PLCG1: variants seen among roughly 807,000 people sequenced by gnomAD.
The protein encoded by PLCG1 is phospholipase C gamma 1.
A neutral mutation model predicts 177.8 loss-of-function variants in PLCG1; 71 were observed. The observed-to-expected ratio is 0.40, with a 90% confidence interval of 0.33 to 0.49. The LOEUF is 0.49. Ranked by LOEUF, PLCG1 falls within the 20% of genes least tolerant of loss-of-function variation. PLCG1 has a pLI of 0.72. For missense variants in PLCG1, 1,281 were observed against 1,709.0 expected, an observed-to-expected ratio of 0.75 and a Z score of 4.42; for synonymous variants, 658 against 647.9, an observed-to-expected ratio of 1.02 and a Z score of -0.24.
Position 41,137,624 on chromosome 20 carries a change from G to C in PLCG1, c.-18G>C. On this transcript the variant is annotated 5_prime_UTR_variant, in exon 1 of 32. Coordinates refer to ENST00000685551, the MANE Select transcript of PLCG1 (RefSeq NM_002660.3). This position sits in a 1 kb window ranked among gnomAD's most constrained non-coding sequence, Gnocchi z 7.3. The stretch of plus-strand genomic sequence containing the variant: ...GGCGGTCCTGGCCTGTGCCGCCGCC[G>C]CCCCCAGCGTCGGAGCCATGGCGGG... The C allele has an allele frequency of 7.6e-7, 1 of 1,311,366 alleles. No homozygotes were observed. The allele number at this position is 1,311,366 out of a possible 1,614,324, so 81.2% of individuals were successfully genotyped here. A position where few individuals can be genotyped will look rare whatever the true frequency, so the allele number is the denominator to read the frequency against.
chr20:41,175,171 G>GTAAC lies in PLCG1; in HGVS notation c.*666_*669dup. ...TATTATTTTTCGTCTCAATGGTATT[G>GTAAC]TAACTAAGTTATTTACTCCTCCTGC... is the stretch of plus-strand genomic sequence containing the variant. On this transcript the variant is annotated 3_prime_UTR_variant, in exon 32 of 32. Coordinates refer to ENST00000685551, the MANE Select transcript of PLCG1 (RefSeq NM_002660.3). 1 of 152,698 alleles carries GTAAC rather than the reference G, an allele frequency of 6.5e-6. No homozygotes were observed. Among genetic ancestry groups the GTAAC allele is most frequent in the Non-Finnish European group, 1.5e-5 (1 of 68,138 alleles). 9.5% of individuals were successfully genotyped at this position (152,698 alleles called of 1,614,324 possible).
rs1489399261 is a variant in PLCG1, at chr20:41,156,571, C to T, written c.218-3035C>T. Among the ~76,000 whole-genome samples the T allele has an allele frequency of 6.6e-6, 1 of 152,238 alleles. No homozygotes were observed. The highest frequency in any genetic ancestry group is 1.5e-5 in the Non-Finnish European group (1 of 68,048). ...CTCCTTCTCACTGCCCCATCTTCTT[C>T]ATAGTGACGGCCTCTTCGTACCCCT... On this transcript the variant is annotated intron_variant, in intron 1 of 31. Coordinates refer to ENST00000685551, the MANE Select transcript of PLCG1 (RefSeq NM_002660.3). This position sits in a 1 kb window ranked among gnomAD's most constrained non-coding sequence, Gnocchi z 5.0.
intron 1 of PLCG1, among the ~76,000 whole-genome samples, chr20:41,149,182 G>A (rs1475857794): frequency 6.6e-6 from 1 of 152,174 alleles, no homozygotes; most frequent in East Asian, 1.9e-4. Context: ...CTACTTCTCA[G>A]CTTCTTATAG....
At position 41,137,607 on chromosome 20, in the gene PLCG1, TG is replaced by T; in HGVS notation, c.-33del. ...CGTTGCGCTTGCTCCCGGGCGGTCC[TG>T]GCCTGTGCCGCCGCCGCCCCCAGCG... On this transcript the variant is annotated 5_prime_UTR_variant, in exon 1 of 32. Transcript: ENST00000685551. This position sits in a 1 kb window ranked among gnomAD's most constrained non-coding sequence, Gnocchi z 7.3. 7.8e-7 allele frequency: 1 copy of T among 1,287,710 alleles called. No homozygotes were observed. The highest frequency in any genetic ancestry group is 2.3e-5 in the South Asian group (1 of 43,014). The allele number at this position is 1,287,710 out of a possible 1,614,324, so 79.8% of individuals were successfully genotyped here.
chr20:41,163,627 G>A lies in PLCG1; in HGVS notation c.892-88G>A. On this transcript the variant is annotated intron_variant, in intron 9 of 31. Coordinates refer to ENST00000685551, the MANE Select transcript of PLCG1 (RefSeq NM_002660.3). This position sits in a 1 kb window ranked among gnomAD's most constrained non-coding sequence, Gnocchi z 5.2. ...CTTGCCCACCCCCAGTTGGGACAGAGCACTCTCTCTCCTACCCCCAACCTA... is the reference window on the plus strand; with the variant it reads ...CTTGCCCACCCCCAGTTGGGACAGAACACTCTCTCTCCTACCCCCAACCTA... 9.1e-7 allele frequency: 1 copy of A among 1,101,792 alleles called. No homozygotes were observed. Among genetic ancestry groups the A allele is most frequent in the South Asian group, 1.3e-5 (1 of 78,042 alleles). The allele number at this position is 1,101,792 out of a possible 1,614,324, so 68.3% of individuals were successfully genotyped here.
chr20:41,140,294 T>G (rs140448245), intron 1 of PLCG1, among the ~76,000 whole-genome samples: 207 of 152,298 alleles, frequency 1.4e-3, no homozygotes, highest in Non-Finnish European at 2.6e-3. Context: ...AATGGAGGCT[T>G]CCACTGAAGC....
intron 24 of PLCG1, chr20:41,170,470 G>A (rs2146057830): frequency 1.7e-6 from 1 of 583,388 alleles, no homozygotes; most frequent in Non-Finnish European, 3.0e-6. Flanking sequence ...GTTGTGTTGA[G>A]TTTGAGATAC....
rs1357730578 is a variant in PLCG1 at position 41,174,697 on chromosome 20, A to G, written c.*188A>G. ...GATGTTATTACTGTTTTGGGCCTCC[A>G]TGCCCCAGCTCTGGATGAAGGCAAA... is the stretch of plus-strand genomic sequence containing the variant. On this transcript the variant is annotated 3_prime_UTR_variant, in exon 32 of 32. Coordinates refer to ENST00000685551, the MANE Select transcript of PLCG1 (RefSeq NM_002660.3). This position sits in a 1 kb window ranked among gnomAD's most constrained non-coding sequence, Gnocchi z 5.8. 1.6e-6 allele frequency: 1 copy of G among 615,060 alleles called. No homozygotes were observed. The highest frequency in any genetic ancestry group is 2.8e-5 in the East Asian group (1 of 36,000). The allele number at this position is 615,060 out of a possible 1,614,324, so 38.1% of individuals were successfully genotyped here.
At position 41,175,450 on chromosome 20, in the gene PLCG1, G is replaced by A. The variant is rs1040972319; in HGVS notation, c.*941G>A. The A allele has an allele frequency of 2.0e-5, 3 of 152,352 alleles. No homozygotes were observed. The highest frequency in any genetic ancestry group is 6.5e-5 in the Admixed American group (1 of 15,282). The allele number at this position is 152,352 out of a possible 1,614,324, so 9.4% of individuals were successfully genotyped here. A position where few individuals can be genotyped will look rare whatever the true frequency, so the allele number is the denominator to read the frequency against. Reference sequence around the variant, plus strand: ...CTCCTGGGTGGGTGGGGTACAGGCAGTTAGGTGCTGAATGAAGCTGCCATC... The same window carrying A: ...CTCCTGGGTGGGTGGGGTACAGGCAATTAGGTGCTGAATGAAGCTGCCATC... On this transcript the variant is annotated 3_prime_UTR_variant, in exon 32 of 32. Transcript: ENST00000685551.
Position 41,163,951 on chromosome 20 carries a change from G to A in PLCG1, c.1041G>A (p.Glu347=). The A allele has an allele frequency of 1.2e-6, 2 of 1,614,170 alleles. No homozygotes were observed. The highest frequency in any genetic ancestry group is 4.5e-5 in the East Asian group (2 of 44,872). The change falls in exon 11 of 32, where the codon GAG becomes GAA. Residue 347 remains glutamate, a synonymous_variant. Transcript: ENST00000685551. The surrounding 1 kb of genome is among the most constrained non-coding windows in gnomAD (Gnocchi z 5.2). The stretch of plus-strand genomic sequence containing the variant: ...TGACCGGGGACCAGTTCTCCAGTGA[G>A]TCCTCCTTGGAAGCCTATGCTCGCT... ...TYLTGDQFSS[E]SSLEAYARCL...
rs2034987033 is a variant in PLCG1, at chr20:41,146,076, C to T, written c.217+8218C>T. Among the ~76,000 whole-genome samples the T allele has an allele frequency of 6.6e-6, 1 of 152,230 alleles. No homozygotes were observed. Among genetic ancestry groups the T allele is most frequent in the African/African-American group, 2.4e-5 (1 of 41,454 alleles). On this transcript the variant is annotated intron_variant, in intron 1 of 31. Coordinates refer to ENST00000685551, the MANE Select transcript of PLCG1 (RefSeq NM_002660.3). This position sits in a 1 kb window ranked among gnomAD's most constrained non-coding sequence, Gnocchi z 6.3. ...TATAGGCTCTGCTGCTTCCTTCCGG[C>T]CCTGGCCCTTCCTGGTGTTGGCCGG...
At chr20:41,138,295 C>A (rs2034681221) in intron 1 of PLCG1, among the ~76,000 whole-genome samples, 1 of 151,994 alleles carries the variant, frequency 6.6e-6, no homozygotes, top group Non-Finnish European at 1.5e-5. Flanking sequence ...GTGAAACTCT[C>A]CGGGCCCCCA....
In PLCG1 at chr20:41,166,995, G is replaced by T; in HGVS notation, c.2301+136G>T. 1.3e-6 allele frequency: 1 copy of T among 772,662 alleles called. No individual in the cohort carries two copies. Among genetic ancestry groups the T allele is most frequent in the Non-Finnish European group, 2.2e-6 (1 of 460,132 alleles). 47.9% of individuals were successfully genotyped at this position (772,662 alleles called of 1,614,324 possible). A position where few individuals can be genotyped will look rare whatever the true frequency, so the allele number is the denominator to read the frequency against. ...TGGGAGGGCCCCTGACTCCAGCTGG[G>T]AGCCACAGTGTGGGTACCAGGAGGG... is the stretch of plus-strand genomic sequence containing the variant. On this transcript the variant is annotated intron_variant, in intron 19 of 31. Coordinates refer to ENST00000685551, the MANE Select transcript of PLCG1 (RefSeq NM_002660.3). This position sits in a 1 kb window ranked among gnomAD's most constrained non-coding sequence, Gnocchi z 8.6.
Position 41,148,357 on chromosome 20 carries a change from C to T in PLCG1, c.217+10499C>T, listed in dbSNP as rs35960143. Among the ~76,000 whole-genome samples, 63 of 152,278 alleles carry T rather than the reference C, an allele frequency of 4.1e-4. No homozygotes were observed. Among genetic ancestry groups the T allele is most frequent in the African/African-American group, 1.3e-3 (54 of 41,548 alleles). ...CCTACCTCAGCCCCTGTTGCTCTGACGCTTCCCCCACCACTATGAGTCCTA... is the reference window on the plus strand; with the variant it reads ...CCTACCTCAGCCCCTGTTGCTCTGATGCTTCCCCCACCACTATGAGTCCTA... On this transcript the variant is annotated intron_variant, in intron 1 of 31. Transcript: ENST00000685551. The surrounding 1 kb of genome is among the most constrained non-coding windows in gnomAD (Gnocchi z 4.3).
chr20:41,141,434 G>A (rs962637503), intron 1 of PLCG1, among the ~76,000 whole-genome samples: 9 of 152,280 alleles, frequency 5.9e-5, no homozygotes, highest in African/African-American at 1.7e-4. Flanking sequence ...GGCGGGCTCA[G>A]AAGGGAGGTA....
chr20:41,152,459 T>C (rs1368607766), intron 1 of PLCG1, among the ~76,000 whole-genome samples: 1 of 152,254 alleles, frequency 6.6e-6, no homozygotes, highest in East Asian at 1.9e-4. Context: ...TCTGTTCCCG[T>C]TGTTACCTCA....
chr20:41,159,541 C>T lies in PLCG1; in HGVS notation c.218-65C>T, dbSNP rs1167967945. The stretch of plus-strand genomic sequence containing the variant: ...GTGTAAGAATGAGGAAACCAGGCTG[C>T]CCTCCTTTCGGTGTTGACTCTGGGA... On this transcript the variant is annotated intron_variant, in intron 1 of 31. Coordinates refer to ENST00000685551, the MANE Select transcript of PLCG1 (RefSeq NM_002660.3). This position sits in a 1 kb window ranked among gnomAD's most constrained non-coding sequence, Gnocchi z 6.0. 2 of 1,548,716 alleles carry T rather than the reference C, an allele frequency of 1.3e-6. No individual in the cohort carries two copies. The highest frequency in any genetic ancestry group is 1.4e-5 in the African/African-American group (1 of 73,144).
intron 1 of PLCG1, among the ~76,000 whole-genome samples, chr20:41,145,173 A>G (rs2034959180): frequency 6.6e-6 from 1 of 152,122 alleles, no homozygotes; most frequent in Admixed American, 6.6e-5. Flanking sequence ...AAGGAAGGTT[A>G]ATTTCCCCTG....
Position 41,176,247 on chromosome 20 carries a change from C to CTGAT in PLCG1, c.*1739_*1742dup, listed in dbSNP as rs1555818870. 6.7e-6 allele frequency: 1 copy of CTGAT among 149,606 alleles called. No homozygotes were observed. The highest frequency in any genetic ancestry group is 2.4e-5 in the African/African-American group (1 of 41,178). The allele number at this position is 149,606 out of a possible 1,614,324, so 9.3% of individuals were successfully genotyped here. A position where few individuals can be genotyped will look rare whatever the true frequency, so the allele number is the denominator to read the frequency against. On this transcript the variant is annotated 3_prime_UTR_variant, in exon 32 of 32. Transcript: ENST00000685551. Reference sequence around the variant, plus strand: ...GATCCGGTTCCGTGGATGACATGAACTGATGATAGCCAGTATCAAACAGCG... The same window carrying CTGAT: ...GATCCGGTTCCGTGGATGACATGAACTGATTGATGATAGCCAGTATCAAACAGCG...
Sources: allele counts gnomAD v4.1 joint callset (sites outside exome capture counted in the v4.1 genomes callset), GRCh38; gene constraint gnomAD v4.1.1; non-coding constraint Gnocchi (gnomAD v3.1); transcripts MANE v1.5; gene names NCBI Gene and HGNC (gene_info 2026-07-23, HGNC 2026-07-21).